The following LEPR variants were observed in gnomAD, a reference collection of about 807,000 sequenced individuals.
LEPR encodes the protein leptin receptor.
LEPR carries 56 observed loss-of-function variants against 114.7 expected under a neutral mutation model. The ratio of observed to expected loss-of-function variants is 0.49; its 90% CI spans 0.39 to 0.61. LEPR has a LOEUF of 0.61. LEPR is among the 20% of genes least tolerant of loss of function. LEPR has a pLI of 0.00. For missense variants in LEPR, 1,202 were observed against 1,352.9 expected, an observed-to-expected ratio of 0.89 and a Z score of 1.75; for synonymous variants, 443 against 461.4, an observed-to-expected ratio of 0.96 and a Z score of 0.51.
rs746574135 is a variant in LEPR, at chr1:65,570,675, C to T, written c.243C>T (p.Asn81=). The T allele has an allele frequency of 2.5e-6, 4 of 1,613,940 alleles. No individual in the cohort carries two copies. The highest frequency in any genetic ancestry group is 3.4e-6 in the Non-Finnish European group (4 of 1,179,910). Residue 81 remains asparagine (N), a synonymous_variant, in exon 4 of 20, where the codon AAC becomes AAT. Coordinates refer to ENST00000349533, the MANE Select transcript of LEPR (RefSeq NM_002303.6). Reference sequence around the variant, plus strand: ...ATTCAAGTGGTACTCACTTTTCTAACTTATCCAAAACAACTTTCCACTGTT... The same window carrying T: ...ATTCAAGTGGTACTCACTTTTCTAATTTATCCAAAACAACTTTCCACTGTT... ...KFNSSGTHFS[N]LSKTTFHCCF...
chr1:65,632,666 T>G (rs144415157), intron 19 of LEPR, among the ~76,000 whole-genome samples: 253 of 152,296 alleles, frequency 1.7e-3, no homozygotes, highest in Non-Finnish European at 2.9e-3. Context: ...CCATATAATT[T>G]CTGAGATCTT....
intron 2 of LEPR, among the ~76,000 whole-genome samples, chr1:65,479,121 A>G (rs1184508386): frequency 6.6e-6 from 1 of 152,212 alleles, no homozygotes; most frequent in Admixed American, 6.6e-5. Context: ...TGTGTATGTC[A>G]GAGCAGGCAG....
intron 5 of LEPR, among the ~76,000 whole-genome samples, chr1:65,582,065 C>T (rs1655026248): frequency 6.6e-6 from 1 of 152,170 alleles, no homozygotes; most frequent in African/African-American, 2.4e-5. Flanking sequence ...CTCTGTCTGT[C>T]CGCTGGTTCC....
intron 2 of LEPR, among the ~76,000 whole-genome samples, chr1:65,521,049 T>C (rs892654996): frequency 5.9e-5 from 9 of 152,242 alleles, no homozygotes; most frequent in Admixed American, 2.6e-4. Context: ...TTGGGGCCAG[T>C]TTATGGCCAG....
intron 2 of LEPR, among the ~76,000 whole-genome samples, chr1:65,558,423 A>G (rs916645529): frequency 6.9e-6 from 1 of 145,302 alleles, no homozygotes; most frequent in Admixed American, 7.2e-5. Context: ...TTTTCCATTT[A>G]CTTATCATGT....
At chr1:65,513,452 A>G (rs1359660244) in intron 2 of LEPR, among the ~76,000 whole-genome samples, 1 of 152,214 alleles carries the variant, frequency 6.6e-6, no homozygotes, top group Non-Finnish European at 1.5e-5. Flanking sequence ...TTTATGACTC[A>G]TTAGTTCAGA....
intron 2 of LEPR, among the ~76,000 whole-genome samples, chr1:65,447,523 A>ATTTT (rs1553153178): frequency 8.5e-5 from 9 of 105,860 alleles, no homozygotes; most frequent in Admixed American, 1.0e-4. Flanking sequence ...TGGTATTGTG[A>ATTTT]TTTTTCTTTT....
intron 2 of LEPR, among the ~76,000 whole-genome samples, chr1:65,527,701 A>G (rs987422887): frequency 6.6e-6 from 1 of 152,222 alleles, no homozygotes; most frequent in Non-Finnish European, 1.5e-5. Flanking sequence ...GTACTCTTTT[A>G]TGAGTACATT....
chr1:65,611,690 A>G (rs149881767), intron 14 of LEPR, among the ~76,000 whole-genome samples: 25 of 152,300 alleles, frequency 1.6e-4, no homozygotes, highest in East Asian at 1.5e-3. Flanking sequence ...TTTTCCTCAT[A>G]TCATGGATTC....
chr1:65,442,497 T>G (rs1646662303), intron 2 of LEPR, among the ~76,000 whole-genome samples: 1 of 152,202 alleles, frequency 6.6e-6, no homozygotes, highest in Non-Finnish European at 1.5e-5. Context: ...CCCAACCACC[T>G]TGGGCACATG....
intron 3 of LEPR, among the ~76,000 whole-genome samples, chr1:65,570,102 GATATT>G (rs1654051964): frequency 6.6e-6 from 1 of 152,142 alleles, no homozygotes; most frequent in South Asian, 2.1e-4. Flanking sequence ...ATTTATACTG[GATATT>G]ATATTTATCA....
At chr1:65,581,028 T>C (rs1654946765) in intron 5 of LEPR, among the ~76,000 whole-genome samples, 1 of 152,180 alleles carries the variant, frequency 6.6e-6, no homozygotes, top group Non-Finnish European at 1.5e-5. Flanking sequence ...TACTAACACC[T>C]ACTTTACTTT....
intron 15 of LEPR, 134 bp downstream of exon 15, chr1:65,616,358 C>A: frequency 1.0e-6 from 1 of 955,262 alleles, no homozygotes; most frequent in Non-Finnish European, 1.6e-6. Flanking sequence ...CCTTTCATTT[C>A]CTTTGTCTGG....
At chr1:65,590,855 A>G (rs995039588) in intron 5 of LEPR, among the ~76,000 whole-genome samples, 2 of 144,794 alleles carry the variant, frequency 1.4e-5, no homozygotes, top group Admixed American at 6.9e-5. Flanking sequence ...ATGATTTCTC[A>G]TCTGTTTTAA....
chr1:65,442,595 G>A (rs1646663555), intron 2 of LEPR, among the ~76,000 whole-genome samples: 1 of 152,178 alleles, frequency 6.6e-6, no homozygotes, highest in Admixed American at 6.5e-5. Flanking sequence ...TACAGAGTCT[G>A]ACTCTTTTCA....
intron 1 of LEPR, among the ~76,000 whole-genome samples, chr1:65,423,853 C>G (rs1484930160): frequency 1.3e-5 from 2 of 152,122 alleles, no homozygotes; most frequent in East Asian, 3.9e-4. Context: ...GTCTCCTATG[C>G]TTTTGATTTC....
chr1:65,571,924 ATCATGCCACTGCACTCCAGC>A (rs1654204874), intron 4 of LEPR, among the ~76,000 whole-genome samples: 1 of 136,652 alleles, frequency 7.3e-6, no homozygotes, highest in Non-Finnish European at 1.5e-5. Context: ...TGATCACATG[ATCATGCCACTGCACTCCAGC>A]CTGGGTGACA....
At chr1:65,545,840 T>A (rs1050798095) in intron 2 of LEPR, among the ~76,000 whole-genome samples, 12 of 151,948 alleles carry the variant, frequency 7.9e-5, no homozygotes, top group Non-Finnish European at 1.5e-5. Context: ...TTTTGGCTTT[T>A]GTTGCCATTG....
At chr1:65,480,294 A>C (rs1432248678) in intron 2 of LEPR, among the ~76,000 whole-genome samples, 4 of 152,212 alleles carry the variant, frequency 2.6e-5, no homozygotes, top group Non-Finnish European at 5.9e-5. Context: ...AAGAATACAC[A>C]TGTGAAAACC....
Sources: gnomAD v4.1 joint callset for allele counts (sites outside exome capture counted in the v4.1 genomes callset) on GRCh38, gnomAD v4.1.1 for gene constraint, MANE v1.5 for transcripts, NCBI Gene and HGNC (gene_info 2026-07-23, HGNC 2026-07-21) for gene names.